The following TMEM154 variants were observed in gnomAD, a reference collection of about 807,000 sequenced individuals.
The protein encoded by TMEM154 is transmembrane protein 154.
Under a neutral mutation model 24.5 loss-of-function variants are expected in TMEM154, and 27 were observed. The observed-to-expected ratio is 1.10, with a 90% CI of 0.81 to 1.52. The LOEUF is 1.52. Among genes scored for constraint, TMEM154 ranks in the 40% most tolerant of loss-of-function variants. The pLI is 0.00. For missense variants in TMEM154, 228 were observed against 213.4 expected (o/e 1.07, Z -0.43); for synonymous variants, 67 against 76.8 (o/e 0.87, Z 0.67).
At chr4:152,657,094 A>G (rs1408940993) in intron 1 of TMEM154, among the ~76,000 whole-genome samples, 1 of 150,188 alleles carries the variant, frequency 6.7e-6, no homozygotes, top group East Asian at 1.9e-4. Flanking sequence ...TCAGAATTTG[A>G]AGACAGGTCT....
intron 3 of TMEM154, among the ~76,000 whole-genome samples, chr4:152,645,201 T>C (rs1228566555): frequency 6.6e-6 from 1 of 152,288 alleles, no homozygotes; most frequent in East Asian, 1.9e-4. Flanking sequence ...TTTATCGTGG[T>C]ATCCCCTCAG....
chr4:152,628,588 AAAAACAAAAAAAACACAC>A, intron 6 of TMEM154, 27 bp from the exon 7 acceptor site: 2 of 978,492 alleles, frequency 2.0e-6, no homozygotes, highest in Non-Finnish European at 2.7e-6. Flanking sequence ...AAAAAAAAAA[AAAAACAAAAAAAACACAC>A]ACACACACAC....
At chr4:152,647,377 T>C (rs1728273736) in intron 3 of TMEM154, 1 of 969,744 alleles carries the variant, frequency 1.0e-6, no homozygotes, top group African/African-American at 1.8e-5. Flanking sequence ...TTTTATTAAC[T>C]TTTAGCATTC....
intron 1 of TMEM154, among the ~76,000 whole-genome samples, chr4:152,655,652 C>T (rs1050393494): frequency 2.8e-5 from 4 of 145,282 alleles, no homozygotes; most frequent in South Asian, 2.4e-4. Flanking sequence ...AGCAGCGGGG[C>T]GCTCACACAT....
At chr4:152,639,386 G>A (rs767096622) in intron 6 of TMEM154, among the ~76,000 whole-genome samples, 1 of 152,180 alleles carries the variant, frequency 6.6e-6, no homozygotes, top group Non-Finnish European at 1.5e-5. Context: ...CATCATTGAG[G>A]TTGCTCATCA....
rs1336268824 is a variant in TMEM154, at chr4:152,625,140, A to C, written c.*3406T>G. On this transcript the variant is annotated 3_prime_UTR_variant, in exon 7 of 7. Coordinates refer to ENST00000304385, the MANE Select transcript of TMEM154 (RefSeq NM_152680.3). Reference sequence around the variant, plus strand: ...ATTAATAGTTTAAACCACCAAAATAAAAGAATAGACAAGTATTTTCTTAAC... The same window carrying C: ...ATTAATAGTTTAAACCACCAAAATACAAGAATAGACAAGTATTTTCTTAAC... 1 of 152,234 alleles carries C rather than the reference A, an allele frequency of 6.6e-6. No homozygotes were observed. Among genetic ancestry groups the C allele is most frequent in the African/African-American group, 2.4e-5 (1 of 41,460 alleles). The allele number at this position is 152,234 out of a possible 1,614,324, so 9.4% of individuals were successfully genotyped here.
chr4:152,679,294 T>C (rs931558326), intron 1 of TMEM154, among the ~76,000 whole-genome samples: 4 of 150,840 alleles, frequency 2.7e-5, no homozygotes, highest in Non-Finnish European at 4.4e-5. Context: ...TAAAAGTAGA[T>C]GAAAGACCTT....
At chr4:152,673,949 T>A (rs1166391713) in intron 1 of TMEM154, among the ~76,000 whole-genome samples, 3 of 151,904 alleles carry the variant, frequency 2.0e-5, no homozygotes, top group Non-Finnish European at 2.9e-5. Context: ...CTTCTGCTTG[T>A]GTAATATTTC....
intron 3 of TMEM154, among the ~76,000 whole-genome samples, 185 bp from the exon 4 acceptor site, chr4:152,644,627 C>T (rs1752320551): frequency 6.6e-6 from 1 of 152,140 alleles, no homozygotes; most frequent in African/African-American, 2.4e-5. Context: ...AGGTCCTAAT[C>T]CGTGTGAAAT....
At position 152,659,111 on chromosome 4, in the gene TMEM154, G is replaced by A. The variant is rs78953545; in HGVS notation, c.65-6184C>T. ...CAATAGCCAAGATATGAAATCAACC[G>A]ACGTATCTATCAATGGTTGAATGGA... On this transcript the variant is annotated intron_variant, in intron 1 of 6. Coordinates refer to ENST00000304385, the MANE Select transcript of TMEM154 (RefSeq NM_152680.3). 4.6e-3 allele frequency among the ~76,000 whole-genome samples: 705 copies of A among 152,202 alleles called. 19 individuals are homozygous for A. In the East Asian group the frequency reaches 0.071, roughly 15 times the overall value.
chr4:152,676,967 T>C (rs1728962566), intron 1 of TMEM154, among the ~76,000 whole-genome samples: 1 of 152,188 alleles, frequency 6.6e-6, no homozygotes. Flanking sequence ...TTTAGGAAAT[T>C]GCTTTTGGTT....
intron 1 of TMEM154, among the ~76,000 whole-genome samples, chr4:152,654,418 A>C (rs1251702529): frequency 6.6e-6 from 1 of 152,272 alleles, no homozygotes; most frequent in Non-Finnish European, 1.5e-5. Context: ...TCAATAGTTC[A>C]TCTATCTTCA....
intron 1 of TMEM154, among the ~76,000 whole-genome samples, chr4:152,654,306 G>A (rs2149785143): frequency 6.6e-6 from 1 of 152,280 alleles, no homozygotes; most frequent in South Asian, 2.1e-4. Flanking sequence ...AAGGTGAAAG[G>A]AACTATGCAA....
intron 6 of TMEM154, 42 bp downstream of exon 6, chr4:152,640,886 C>T (rs1752245071): frequency 2.4e-6 from 3 of 1,247,536 alleles, no homozygotes; most frequent in African/African-American, 1.5e-5. Flanking sequence ...TCCCCCCGCC[C>T]CCCGCCATAT....
intron 6 of TMEM154, among the ~76,000 whole-genome samples, chr4:152,632,267 G>A (rs1412447491): frequency 2.0e-5 from 3 of 152,034 alleles, no homozygotes; most frequent in South Asian, 2.1e-4. Context: ...TAAAGCATGA[G>A]GTTGAGCTCT....
At chr4:152,654,636 A>T (rs1304728193) in intron 1 of TMEM154, among the ~76,000 whole-genome samples, 2 of 152,192 alleles carry the variant, frequency 1.3e-5, no homozygotes, top group East Asian at 3.8e-4. Flanking sequence ...TGACAGGATT[A>T]TTGCTCCTAT....
intron 1 of TMEM154, among the ~76,000 whole-genome samples, chr4:152,654,913 C>A (rs539624739): frequency 2.0e-5 from 3 of 152,302 alleles, no homozygotes; most frequent in Admixed American, 6.5e-5. Flanking sequence ...TCTCCCACAT[C>A]AGGGAATTCA....
chr4:152,671,923 AGGTGGTTATTTGGGAATCCCCAACCCAGG>A lies in TMEM154; in HGVS notation c.64+7918_64+7946del, dbSNP rs761011035. Among the ~76,000 whole-genome samples the A allele has an allele frequency of 1.3e-3, 201 of 151,812 alleles. 1 individual carries two copies. Among genetic ancestry groups the A allele is most frequent in the Non-Finnish European group, 2.1e-3 (143 of 67,920 alleles). ...AGGTTGGGCAGATAGGTCTGGCTGGAGGTGGTTATTTGGGAATCCCCAACCCAGGGGTGAGATGAAAGTGGGTGTGGCTG... is the reference window on the plus strand; with the variant it reads ...AGGTTGGGCAGATAGGTCTGGCTGGAGGTGAGATGAAAGTGGGTGTGGCTG... On this transcript the variant is annotated intron_variant, in intron 1 of 6. Coordinates refer to ENST00000304385, the MANE Select transcript of TMEM154 (RefSeq NM_152680.3).
At position 152,622,084 on chromosome 4, in the gene TMEM154, C is replaced by G. The variant is rs1293442058; in HGVS notation, c.*6462G>C. On this transcript the variant is annotated 3_prime_UTR_variant, in exon 7 of 7. Transcript: ENST00000304385. ...CCACGTGCCTCAGCCTCCCAAAGTG[C>G]TGGGATTACAGGCATGAGCCACCAT... 6.6e-6 allele frequency: 1 copy of G among 152,192 alleles called. No homozygotes were observed. Among genetic ancestry groups the G allele is most frequent in the East Asian group, 1.9e-4 (1 of 5,204 alleles). The allele number at this position is 152,192 out of a possible 1,614,324, so 9.4% of individuals were successfully genotyped here. A position where few individuals can be genotyped will look rare whatever the true frequency, so the allele number is the denominator to read the frequency against.
Sources: gnomAD v4.1 joint callset for allele counts (sites outside exome capture counted in the v4.1 genomes callset) on GRCh38, gnomAD v4.1.1 for gene constraint, MANE v1.5 for transcripts, NCBI Gene and HGNC (gene_info 2026-07-23, HGNC 2026-07-21) for gene names.